Variants in BDP1 observed in about 807,000 individuals in gnomAD.
The protein encoded by BDP1 is transcription factor TFIIIB component B'' homolog.
In BDP1, 169 loss-of-function variants were observed where a neutral mutation model predicts 266.6. That is an observed-to-expected ratio of 0.63 (90% confidence interval 0.56 to 0.72). BDP1 has a LOEUF of 0.72. Ranked by LOEUF, BDP1 falls within the 30% of genes least tolerant of loss-of-function variation. The pLI, the probability that BDP1 is intolerant of heterozygous loss-of-function variation, is 0.00. For missense variants in BDP1, 3,015 were observed against 3,053.8 expected, an observed-to-expected ratio of 0.99 and a Z score of 0.30; for synonymous variants, 1,090 against 1,022.4, an observed-to-expected ratio of 1.07 and a Z score of -1.26.
At chr5:71,575,848 A>G in the BDP1 span, among the ~76,000 whole-genome samples, 1 of 152,212 alleles carries the variant, frequency 6.6e-6, no homozygotes, top group South Asian at 2.1e-4. Flanking sequence ...TACATCATTC[A>G]TTTTATGGCT....
At chr5:71,472,920 G>A (rs1177926974) in intron 7 of BDP1, among the ~76,000 whole-genome samples, 4 of 113,920 alleles carry the variant, frequency 3.5e-5, no homozygotes, top group Non-Finnish European at 6.8e-5. Flanking sequence ...TTGGAGACAG[G>A]GTCTCACTCT....
intron 11 of BDP1, among the ~76,000 whole-genome samples, chr5:71,493,379 CA>C (rs1763704646): frequency 6.6e-6 from 1 of 152,190 alleles, no homozygotes. Context: ...ATCACCTCAG[CA>C]TCTCGAGTAG....
chr5:71,545,112 G>A lies in BDP1; in HGVS notation c.6637G>A (p.Gly2213Arg). Residue 2213 changes from glycine to arginine, a missense_variant, in exon 32 of 39, where the codon GGG (glycine) becomes AGG (arginine). Transcript: ENST00000358731. ...SVAPVASSET[G>R]PCTLGLDRGL... ...TGCTCCAGTTGCTTCCTCTGAGACA[G>A]GGCCCTGCACACTTGGTTTGGATAG... 3 of 1,613,762 alleles carry A rather than the reference G, an allele frequency of 1.9e-6. No homozygotes were observed. The highest frequency in any genetic ancestry group is 2.7e-5 in the African/African-American group (2 of 74,942).
Position 71,545,179 on chromosome 5 carries a change from A to T in BDP1, c.6704A>T (p.Asp2235Val). The T allele has an allele frequency of 1.2e-6, 2 of 1,613,750 alleles. No homozygotes were observed. The highest frequency in any genetic ancestry group is 1.1e-5 in the South Asian group (1 of 91,062). ...TCTGTTGAAGAGCCCCAGATAAAGG[A>T]CTCTAAAGGAGACAGTGTGCTTACA... ...ENSVEEPQIK[D>V]SKGDSVLTLP... The change falls in exon 32 of 39, where the codon GAC becomes GTC. Residue 2235 changes from aspartate (D) to valine (V), a missense_variant. Around this residue, in one of 3 missense-constraint regions of BDP1, gnomAD observed 629 missense variants for 632.5 expected, o/e 0.99. Transcript: ENST00000358731.
intron 36 of BDP1, among the ~76,000 whole-genome samples, chr5:71,557,975 A>T (rs1356648935): frequency 1.3e-5 from 2 of 152,220 alleles, no homozygotes; most frequent in African/African-American, 2.4e-5. Context: ...TTTCTGTGGG[A>T]CATTAAACCA....
intron 7 of BDP1, among the ~76,000 whole-genome samples, chr5:71,473,826 G>A (rs1461098456): frequency 1.6e-4 from 17 of 106,418 alleles, no homozygotes; most frequent in Admixed American, 4.6e-4. Flanking sequence ...CTATCCCTCC[G>A]CCCTCCCCCC....
At chr5:71,507,170 T>C (rs377144387) in intron 16 of BDP1, among the ~76,000 whole-genome samples, 4 of 152,194 alleles carry the variant, frequency 2.6e-5, no homozygotes, top group African/African-American at 7.2e-5. Context: ...AAAACACATA[T>C]GCAGACCTTA....
chr5:71,497,955 A>ATT (rs778350116), intron 13 of BDP1, among the ~76,000 whole-genome samples: 6 of 144,248 alleles, frequency 4.2e-5, no homozygotes, highest in Non-Finnish European at 7.7e-5. Flanking sequence ...AACCCAGATA[A>ATT]TTTTTTTTTT....
At chr5:71,479,359 A>G (rs1239021696) in intron 7 of BDP1, among the ~76,000 whole-genome samples, 1 of 151,412 alleles carries the variant, frequency 6.6e-6, no homozygotes, top group Non-Finnish European at 1.5e-5. Flanking sequence ...GTTATTTTTT[A>G]TAGTTTCCAT....
rs773895630 is a variant in BDP1 at position 71,501,625 on chromosome 5, G to A, written c.2020G>A (p.Glu674Lys). Residue 674 changes from glutamate to lysine, a missense_variant, in exon 14 of 39, where the codon GAG becomes AAG. Coordinates refer to ENST00000358731, the MANE Select transcript of BDP1 (RefSeq NM_018429.3). ...DILRMETTER[E>K]NPEAETVSVL... is the part of the protein sequence containing the mutation. ...TTTGAGAATGGAGACTACAGAGAGA[G>A]AGAATCCAGAAGCTGAAACTGTATC... 7 of 1,570,314 alleles carry A rather than the reference G, an allele frequency of 4.5e-6. No homozygotes were observed. In the Admixed American group the frequency reaches 8.5e-5, roughly 19 times the overall value.
chr5:71,564,201 A>C lies in BDP1; in HGVS notation c.7744-553A>C, dbSNP rs796091819. ...TTATTTCTAGTCTTCTGTTTCATTG[A>C]TATATCTGTCATTCGTGTGCCAATA... On this transcript the variant is annotated intron_variant, in intron 38 of 38. Coordinates refer to ENST00000358731, the MANE Select transcript of BDP1 (RefSeq NM_018429.3). 9.9e-5 allele frequency among the ~76,000 whole-genome samples: 15 copies of C among 152,066 alleles called. 1 individual carries two copies. The highest frequency in any genetic ancestry group is 3.6e-4 in the African/African-American group (15 of 41,508).
At chr5:71,476,316 C>T (rs1411843481) in intron 7 of BDP1, 1 of 152,570 alleles carries the variant, frequency 6.6e-6, no homozygotes, top group Non-Finnish European at 1.5e-5. Context: ...ACTGAACCAG[C>T]TGTTTATTGG....
chr5:71,543,282 AAAAAAAG>A (rs555218385), intron 30 of BDP1, among the ~76,000 whole-genome samples: 133 of 152,216 alleles, frequency 8.7e-4, no homozygotes, highest in South Asian at 2.9e-3. Flanking sequence ...ACTTCATCTC[AAAAAAAG>A]AAAAAAGAAA....
Position 71,532,097 on chromosome 5 carries a change from C to G in BDP1, c.5773-211C>G, listed in dbSNP as rs143571216. The stretch of plus-strand genomic sequence containing the variant: ...AAATTTGCTTACTGGTTTTAATAGT[C>G]ACAGCCACCTCAAAAATTTTAAATG... On this transcript the variant is annotated intron_variant, in intron 25 of 38. Transcript: ENST00000358731. 9.9e-5 allele frequency among the ~76,000 whole-genome samples: 15 copies of G among 152,284 alleles called. No individual in the cohort carries two copies. The East Asian group carries it at 1.9e-3, about 20-fold the overall frequency.
At chr5:71,554,551 T>C (rs1743086381) in intron 35 of BDP1, among the ~76,000 whole-genome samples, 1 of 152,218 alleles carries the variant, frequency 6.6e-6, no homozygotes, top group African/African-American at 2.4e-5. Flanking sequence ...CAGCATTCCA[T>C]GCAGACATTA....
In BDP1 at chr5:71,524,287, A is replaced by G; in HGVS notation, c.5736A>G (p.Glu1912=). 1 of 1,605,216 alleles carries G rather than the reference A, an allele frequency of 6.2e-7. No homozygotes were observed. Among genetic ancestry groups the G allele is most frequent in the Non-Finnish European group, 8.5e-7 (1 of 1,172,522 alleles). ...VFVPVGLRSP[E]PVSAQIEETM... is the part of the protein sequence containing the mutation. The stretch of plus-strand genomic sequence containing the variant: ...TACCTGTTGGTCTCAGATCTCCTGA[A>G]CCTGTTTCTGCTCAGATTGAGGAAA... The change falls in exon 25 of 39, where the codon GAA becomes GAG. Residue 1912 remains glutamate, a synonymous_variant. Coordinates refer to ENST00000358731, the MANE Select transcript of BDP1 (RefSeq NM_018429.3).
chr5:71,495,464 GATA>G (rs1404349430), intron 12 of BDP1, 56 bp downstream of exon 12: 42 of 1,231,914 alleles, frequency 3.4e-5, no homozygotes, highest in South Asian at 2.6e-4. Context: ...GTTCTTAAAT[GATA>G]ATAATGTTGC....
rs564688157 is a variant in BDP1 at position 71,514,018 on chromosome 5, C to T, written c.4470+611C>T. Among the ~76,000 whole-genome samples, 6 of 152,036 alleles carry T rather than the reference C, an allele frequency of 3.9e-5. No homozygotes were observed. In the East Asian group the frequency reaches 7.7e-4, roughly 20 times the overall value. ...GATTACGCTGAGCCGTGGCGCCCAG[C>T]GAGAATAATCGTTTTTTATTTCACT... is the stretch of plus-strand genomic sequence containing the variant. On this transcript the variant is annotated intron_variant, in intron 19 of 38. Transcript: ENST00000358731.
chr5:71,466,779 G>A (rs1164900601), intron 5 of BDP1, among the ~76,000 whole-genome samples: 1 of 152,024 alleles, frequency 6.6e-6, no homozygotes, highest in African/African-American at 2.4e-5. Context: ...AAATTAGTAA[G>A]TAAATAAATA....
Sources: allele counts gnomAD v4.1 joint callset (sites outside exome capture counted in the v4.1 genomes callset), GRCh38; gene constraint gnomAD v4.1.1; regional missense constraint gnomAD v4.1.1; transcripts MANE v1.5; gene names NCBI Gene and HGNC (gene_info 2026-07-23, HGNC 2026-07-21).